SCAI: variants seen among roughly 807,000 people sequenced by gnomAD.
SCAI encodes protein SCAI.
Under a neutral mutation model 92.2 loss-of-function variants are expected in SCAI, and 24 were observed. That is an observed-to-expected ratio of 0.26 (90% CI 0.19 to 0.37). The LOEUF is 0.37. SCAI is among the 10% of genes least tolerant of loss of function. The pLI, the probability that SCAI is intolerant of heterozygous loss-of-function variation, is 1.00. For synonymous variants in SCAI, 261 were observed against 258.6 expected (o/e 1.01, Z -0.09); for missense variants, 450 against 736.2 (o/e 0.61, Z 4.50).
chr9:124,977,352 G>C (rs1831781583), intron 14 of SCAI, among the ~76,000 whole-genome samples: 1 of 152,046 alleles, frequency 6.6e-6, no homozygotes, highest in Non-Finnish European at 1.5e-5. Context: ...GAGCAGAGGG[G>C]GAACTAGACT....
chr9:125,030,269 C>A (rs1833047489), intron 3 of SCAI, among the ~76,000 whole-genome samples: 1 of 152,166 alleles, frequency 6.6e-6, no homozygotes, highest in South Asian at 2.1e-4. Context: ...TTGGGCCTGG[C>A]CGTATTAACT....
rs770118712 is a variant in SCAI, at chr9:125,042,858, C to CTTTTT, written c.230+13013_230+13017dup. On this transcript the variant is annotated intron_variant, in intron 3 of 17. Coordinates refer to ENST00000336505, the MANE Select transcript of SCAI (RefSeq NM_001144877.3). ...TCTGGGACCACATTCTGCTCCCTGG[C>CTTTTT]TTTTTTTTTTTTTTTTTTTTTTTTT... Among the ~76,000 whole-genome samples the CTTTTT allele has an allele frequency of 1.2e-4, 6 of 50,994 alleles. 1 individual carries two copies. The highest frequency in any genetic ancestry group is 3.2e-4 in the African/African-American group (4 of 12,414). The allele number at this position is 50,994 out of a possible 152,430, so 33.5% of individuals were successfully genotyped here.
Position 124,957,682 on chromosome 9 carries a change from T to A in SCAI, c.1675-4729A>T, listed in dbSNP as rs79383280. Among the ~76,000 whole-genome samples, 1,196 of 121,210 alleles carry A rather than the reference T, an allele frequency of 9.9e-3. 21 individuals carry two copies. The highest frequency in any genetic ancestry group is 0.045 in the African/African-American group (1,121 of 25,170). The allele number at this position is 121,210 out of a possible 152,430, so 79.5% of individuals were successfully genotyped here. On this transcript the variant is annotated intron_variant, in intron 17 of 17. Coordinates refer to ENST00000336505, the MANE Select transcript of SCAI (RefSeq NM_001144877.3). The stretch of plus-strand genomic sequence containing the variant: ...ACCGCGCCTGGCCAAATAATACAAT[T>A]TTTTTTTTTTTTTTAAAAAGACGGA...
At chr9:125,032,195 A>ATATATATATATATT (rs1177865840) in intron 3 of SCAI, among the ~76,000 whole-genome samples, 4 of 99,448 alleles carry the variant, frequency 4.0e-5, no homozygotes, top group South Asian at 3.3e-4. Flanking sequence ...ATATATATAT[A>ATATATATATATATT]TTTTTTTTTT....
intron 2 of SCAI, among the ~76,000 whole-genome samples, chr9:125,115,714 T>C (rs572149515): frequency 6.6e-6 from 1 of 152,338 alleles, no homozygotes; most frequent in East Asian, 1.9e-4. Context: ...TATAGTTATA[T>C]TCATGTTGTA....
intron 14 of SCAI, 109 bp from the exon 15 acceptor site, chr9:124,976,295 T>A (rs1831752915): frequency 1.4e-6 from 1 of 713,228 alleles, no homozygotes; most frequent in Non-Finnish European, 2.5e-6. Flanking sequence ...CTTAAACTCA[T>A]AAATAGATGC....
At chr9:125,000,053 A>T in intron 12 of SCAI, 63 bp from the exon 13 acceptor site, 1 of 689,310 alleles carries the variant, frequency 1.5e-6, no homozygotes, top group South Asian at 2.0e-5. Flanking sequence ...CTGATGTTCA[A>T]ATACAAAGGT....
chr9:125,003,724 T>G, intron 9 of SCAI, 154 bp from the exon 10 acceptor site: 2 of 597,450 alleles, frequency 3.3e-6, no homozygotes, highest in South Asian at 4.1e-5. Context: ...TTTCAAGCGA[T>G]GGAAAGACTG....
intron 2 of SCAI, among the ~76,000 whole-genome samples, chr9:125,078,672 T>C (rs930823891): frequency 4.0e-5 from 6 of 151,144 alleles, no homozygotes; most frequent in Non-Finnish European, 8.9e-5. Context: ...TCCCAGCGCT[T>C]TGAGAGGCCA....
chr9:125,066,081 G>C (rs1385868779), intron 2 of SCAI: 1 of 721,810 alleles, frequency 1.4e-6, no homozygotes, highest in East Asian at 2.5e-5. Context: ...AAGAAAAAAA[G>C]AAAACAAAGA....
intron 2 of SCAI, among the ~76,000 whole-genome samples, chr9:125,100,645 G>A (rs1445373140): frequency 6.6e-6 from 1 of 152,086 alleles, no homozygotes; most frequent in Non-Finnish European, 1.5e-5. Context: ...CTCTAGTAGG[G>A]GGAGACAGTA....
intron 14 of SCAI, among the ~76,000 whole-genome samples, chr9:124,978,939 T>C (rs1450702597): frequency 6.6e-6 from 1 of 152,022 alleles, no homozygotes; most frequent in African/African-American, 2.4e-5. Context: ...CAGCTCACTG[T>C]AACCTCCGCT....
chr9:125,106,152 T>TATATATAG (rs1457409849), intron 2 of SCAI, among the ~76,000 whole-genome samples: 1 of 111,738 alleles, frequency 8.9e-6, no homozygotes, highest in African/African-American at 3.4e-5. Flanking sequence ...TATATATATA[T>TATATATAG]ATAGTTAAGT....
intron 13 of SCAI, among the ~76,000 whole-genome samples, chr9:124,998,145 C>T (rs1588141424): frequency 6.6e-6 from 1 of 152,054 alleles, no homozygotes. Flanking sequence ...TTCATTTGTG[C>T]TATATTAAAC....
chr9:125,019,631 C>T (rs945632514), intron 7 of SCAI, among the ~76,000 whole-genome samples: 1 of 152,026 alleles, frequency 6.6e-6, no homozygotes, highest in African/African-American at 2.4e-5. Context: ...GAGACCCTAC[C>T]ACTACAAAAA....
intron 2 of SCAI, among the ~76,000 whole-genome samples, chr9:125,109,100 G>A (rs893368913): frequency 2.0e-5 from 3 of 152,148 alleles, no homozygotes; most frequent in African/African-American, 4.8e-5. Context: ...TGTCCACTCA[G>A]GGTTAAATGG....
intron 15 of SCAI, 112 bp from the exon 16 acceptor site, chr9:124,971,956 TAAATCATAATTCATC>T: frequency 1.8e-6 from 1 of 545,080 alleles, no homozygotes; most frequent in Non-Finnish European, 2.9e-6. Context: ...GCTATCTCAT[TAAATCATAATTCATC>T]AAAGCAGATT....
At chr9:125,088,174 C>T (rs1834361172) in intron 2 of SCAI, among the ~76,000 whole-genome samples, 1 of 152,098 alleles carries the variant, frequency 6.6e-6, no homozygotes, top group African/African-American at 2.4e-5. Context: ...CAGTTCATGA[C>T]AGCCTCAAAC....
intron 9 of SCAI, among the ~76,000 whole-genome samples, chr9:125,004,261 C>CG (rs1360027559): frequency 1.3e-5 from 2 of 151,806 alleles, no homozygotes; most frequent in Non-Finnish European, 2.9e-5. Context: ...TGAATTCACA[C>CG]GTGTAGGTAG....
Sources: allele counts gnomAD v4.1 joint callset (sites outside exome capture counted in the v4.1 genomes callset), GRCh38; gene constraint gnomAD v4.1.1; transcripts MANE v1.5; gene names NCBI Gene and HGNC (gene_info 2026-07-23, HGNC 2026-07-21).